SERINC5: variants seen among roughly 807,000 people sequenced by gnomAD.
The protein encoded by SERINC5 is chromosome 5 open reading frame 12.
SERINC5 carries 41 observed loss-of-function variants against 63.1 expected under a neutral mutation model. The ratio of observed to expected loss-of-function variants is 0.65; its 90% CI spans 0.51 to 0.84. The LOEUF (loss-of-function observed/expected upper bound fraction) is 0.84, where lower values mean the gene tolerates loss of function less well. Ranked by LOEUF, SERINC5 falls within the 40% of genes least tolerant of loss-of-function variation. The pLI is 0.00. For missense variants in SERINC5, 523 were observed against 573.0 expected (o/e 0.91, Z 0.89); for synonymous variants, 222 against 215.2 (o/e 1.03, Z -0.28).
Position 80,142,101 on chromosome 5 carries a change from T to C in SERINC5, c.*1562A>G. Reference sequence around the variant, plus strand: ...ATGACTAGGCTGAGCCTTTTATTCTTAGATCCTCACTTACAGAGAGCTCGA... The same window carrying C: ...ATGACTAGGCTGAGCCTTTTATTCTCAGATCCTCACTTACAGAGAGCTCGA... On this transcript the variant is annotated 3_prime_UTR_variant, in exon 12 of 12. Transcript: ENST00000507668. 3 of 985,430 alleles carry C rather than the reference T, an allele frequency of 3.0e-6. No individual in the cohort carries two copies. The highest frequency in any genetic ancestry group is 3.6e-6 in the Non-Finnish European group (3 of 829,934). 61.0% of individuals were successfully genotyped at this position (985,430 alleles called of 1,614,324 possible). A position where few individuals can be genotyped will look rare whatever the true frequency, so the allele number is the denominator to read the frequency against.
At chr5:80,187,190 A>G (rs945944761) in intron 2 of SERINC5, among the ~76,000 whole-genome samples, 2 of 152,150 alleles carry the variant, frequency 1.3e-5, no homozygotes. Flanking sequence ...AGAAAATGCA[A>G]TATTAGCAAA....
intron 2 of SERINC5, among the ~76,000 whole-genome samples, chr5:80,178,877 C>CACATAT (rs1206664050): frequency 2.7e-5 from 4 of 149,458 alleles, no homozygotes; most frequent in Non-Finnish European, 4.4e-5. Context: ...ACAACACACT[C>CACATAT]ACATATACAT....
intron 1 of SERINC5, among the ~76,000 whole-genome samples, chr5:80,241,870 C>G (rs1751954302): frequency 6.6e-6 from 1 of 151,900 alleles, no homozygotes; most frequent in South Asian, 2.1e-4. Context: ...CACATGTAAT[C>G]CCAGCACTTT....
Position 80,254,271 on chromosome 5 carries a change from C to T in SERINC5, c.27+1625G>A, listed in dbSNP as rs373728898. ...CTACCGCCCCATCCACAGGAAATCA[C>T]AGTGTGATCACCATCACACAGCACT... On this transcript the variant is annotated intron_variant, in intron 1 of 11. Coordinates refer to ENST00000507668, the MANE Select transcript of SERINC5 (RefSeq NM_001174072.3). Among the ~76,000 whole-genome samples the T allele has an allele frequency of 1.2e-3, 180 of 152,322 alleles. 2 individuals are homozygous for T. Among genetic ancestry groups the T allele is most frequent in the African/African-American group, 3.9e-3 (164 of 41,570 alleles).
intron 1 of SERINC5, among the ~76,000 whole-genome samples, chr5:80,203,887 C>T (rs1047914156): frequency 1.3e-5 from 2 of 152,154 alleles, no homozygotes; most frequent in South Asian, 2.1e-4. Flanking sequence ...TCGGAACTTT[C>T]AGGAGCACAC....
chr5:80,137,753 G>A (rs982355560), downstream of SERINC5, among the ~76,000 whole-genome samples: 2 of 151,258 alleles, frequency 1.3e-5, no homozygotes, highest in African/African-American at 4.9e-5. Flanking sequence ...ACCAACCCGT[G>A]CAACATAGTG....
intron 8 of SERINC5, among the ~76,000 whole-genome samples, chr5:80,151,590 G>T (rs73125968): frequency 0.075 from 11,371 of 152,198 alleles, 1,396 homozygotes; most frequent in African/African-American, 0.26. Context: ...AGGGGTGGAA[G>T]GATCACTTGA....
chr5:80,246,080 T>A (rs896741789), intron 1 of SERINC5, among the ~76,000 whole-genome samples: 2 of 151,804 alleles, frequency 1.3e-5, no homozygotes, highest in Non-Finnish European at 2.9e-5. Flanking sequence ...TATAGAATCC[T>A]ATTAGAGCAA....
chr5:80,134,283 C>T (rs140818144), downstream of SERINC5, among the ~76,000 whole-genome samples: 2,042 of 152,080 alleles, frequency 0.013, 54 homozygotes, highest in African/African-American at 0.046. Context: ...ATCAGGAGTT[C>T]GAGACCAGCC....
intron 5 of SERINC5, among the ~76,000 whole-genome samples, chr5:80,170,046 A>G (rs1365757843): frequency 6.6e-6 from 1 of 152,128 alleles, no homozygotes; most frequent in East Asian, 1.9e-4. Context: ...CAAACGTGAC[A>G]TTCCCCTGAG....
At chr5:80,184,534 A>C (rs1292922035) in intron 2 of SERINC5, among the ~76,000 whole-genome samples, 1 of 152,182 alleles carries the variant, frequency 6.6e-6, no homozygotes, top group Non-Finnish European at 1.5e-5. Flanking sequence ...TTGACACTGT[A>C]TATTCATCAA....
intron 8 of SERINC5, chr5:80,157,855 G>A (rs1381202372): frequency 1.3e-5 from 2 of 152,154 alleles, no homozygotes; most frequent in Non-Finnish European, 2.9e-5. Flanking sequence ...CTTGATGTGT[G>A]ACCCTGAGCA....
chr5:80,231,112 C>A (rs930559785), intron 1 of SERINC5, among the ~76,000 whole-genome samples: 2 of 152,062 alleles, frequency 1.3e-5, no homozygotes, highest in Non-Finnish European at 2.9e-5. Flanking sequence ...CAGGTAGTTT[C>A]AAAGCCAGTA....
At chr5:80,202,803 G>A (rs1178467526) in intron 2 of SERINC5, 83 bp downstream of exon 2, 3 of 1,362,570 alleles carry the variant, frequency 2.2e-6, no homozygotes, top group Non-Finnish European at 3.0e-6. Flanking sequence ...GGGGTACATG[G>A]ACCCCATCTT....
chr5:80,254,599 C>A (rs1218012349), intron 1 of SERINC5, among the ~76,000 whole-genome samples: 4 of 152,062 alleles, frequency 2.6e-5, no homozygotes, highest in African/African-American at 4.8e-5. Context: ...TATTTCAAAA[C>A]GGGAATAAAA....
chr5:80,209,597 G>A (rs1181422705), intron 1 of SERINC5, among the ~76,000 whole-genome samples: 2 of 152,168 alleles, frequency 1.3e-5, no homozygotes, highest in Non-Finnish European at 2.9e-5. Context: ...GTAGATACAA[G>A]ACCACTAACA....
At chr5:80,251,382 G>T (rs1165137005) in intron 1 of SERINC5, among the ~76,000 whole-genome samples, 2 of 152,088 alleles carry the variant, frequency 1.3e-5, no homozygotes, top group East Asian at 3.9e-4. Context: ...AATAGGATCT[G>T]GCTGGAAATA....
At chr5:80,137,539 G>A (rs1228146731), downstream of SERINC5, among the ~76,000 whole-genome samples, 1 of 151,608 alleles carries the variant, frequency 6.6e-6, no homozygotes, top group Admixed American at 6.6e-5. Flanking sequence ...CTACTCGGGA[G>A]GCTGAGGCAG....
chr5:80,183,639 GA>G (rs1748600675), intron 2 of SERINC5, among the ~76,000 whole-genome samples: 2 of 152,210 alleles, frequency 1.3e-5, no homozygotes, highest in African/African-American at 2.4e-5. Flanking sequence ...TTAACTGAGT[GA>G]TTAACCCTGT....
Sources: allele counts gnomAD v4.1 joint callset (sites outside exome capture counted in the v4.1 genomes callset), GRCh38; gene constraint gnomAD v4.1.1; transcripts MANE v1.5; gene names NCBI Gene and HGNC (gene_info 2026-07-23, HGNC 2026-07-21).